GABRA2: variants seen among roughly 807,000 people sequenced by gnomAD.
The protein encoded by GABRA2 is gamma-aminobutyric acid type A receptor subunit alpha2, also known as gamma-aminobutyric acid receptor subunit alpha-2.
A neutral mutation model predicts 48.7 loss-of-function variants in GABRA2; 16 were observed. The ratio of observed to expected loss-of-function variants is 0.33; its 90% CI spans 0.22 to 0.50. GABRA2 has a LOEUF of 0.50. Ranked by LOEUF, GABRA2 falls within the 20% of genes least tolerant of loss-of-function variation. GABRA2 has a pLI of 0.98. For synonymous variants in GABRA2, 185 were observed against 184.5 expected (o/e 1.00, Z -0.02); for missense variants, 275 against 535.6 (o/e 0.51, Z 4.80).
intron 8 of GABRA2, among the ~76,000 whole-genome samples, chr4:46,273,312 G>A (rs1246511056): frequency 1.3e-5 from 2 of 151,116 alleles, no homozygotes; most frequent in African/African-American, 4.9e-5. Context: ...TATTTGGAAA[G>A]TTCTTGGCCA....
At chr4:46,290,064 A>G (rs1577923663) in intron 8 of GABRA2, among the ~76,000 whole-genome samples, 1 of 148,328 alleles carries the variant, frequency 6.7e-6, no homozygotes, top group Admixed American at 6.8e-5. Context: ...GGCGCCCGCC[A>G]CCGTGCCCGG....
chr4:46,263,846 T>C (rs1002903595), intron 8 of GABRA2, among the ~76,000 whole-genome samples: 1 of 151,996 alleles, frequency 6.6e-6, no homozygotes, highest in African/African-American at 2.4e-5. Context: ...TATTTGGTAG[T>C]AATGCCATTT....
chr4:46,361,348 C>A (rs549439637), intron 3 of GABRA2, among the ~76,000 whole-genome samples: 2 of 152,274 alleles, frequency 1.3e-5, no homozygotes, highest in African/African-American at 2.4e-5. Flanking sequence ...TAAAAGAGGA[C>A]AAGTTACAGC....
At chr4:46,283,948 A>G (rs1377010733) in intron 8 of GABRA2, among the ~76,000 whole-genome samples, 1 of 151,842 alleles carries the variant, frequency 6.6e-6, no homozygotes, top group African/African-American at 2.4e-5. Flanking sequence ...TTTAGTAGAG[A>G]AGGGGTTTCA....
chr4:46,296,296 G>T (rs1172506937), intron 8 of GABRA2, among the ~76,000 whole-genome samples: 1 of 152,120 alleles, frequency 6.6e-6, no homozygotes, highest in East Asian at 1.9e-4. Context: ...ATTATGTTCT[G>T]CTGGCCTAGA....
chr4:46,358,762 C>T (rs1201778747), intron 3 of GABRA2, among the ~76,000 whole-genome samples: 1 of 152,122 alleles, frequency 6.6e-6, no homozygotes, highest in South Asian at 2.1e-4. Flanking sequence ...TCTGAGCAAT[C>T]TTCTATCAGA....
chr4:46,250,486 G>A lies in GABRA2; in HGVS notation c.1178C>T (p.Thr393Met), dbSNP rs200801680. 188 of 1,611,920 alleles carry A rather than the reference G, an allele frequency of 1.2e-4. No individual in the cohort carries two copies. The highest frequency in any genetic ancestry group is 2.3e-4 in the South Asian group (21 of 91,046). Residue 393 changes from threonine to methionine, a missense_variant, in exon 10 of 10, where the codon ACG (threonine) becomes ATG (methionine). Thr to Met is a moderately conservative substitution (Grantham distance 81). Transcript: ENST00000381620. ...TTCTGGCTTCTTGTTGGGTTCTGGCGTGGTTGCACTCTTGGAGATGGTGGA... is the reference window on the plus strand; with the variant it reads ...TTCTGGCTTCTTGTTGGGTTCTGGCATGGTTGCACTCTTGGAGATGGTGGA... ...VLSTISKSATTPEPNKKPENK... is the reference protein window; with the variant it reads ...VLSTISKSATMPEPNKKPENK...
intron 3 of GABRA2, among the ~76,000 whole-genome samples, chr4:46,351,868 A>G (rs889731463): frequency 1.3e-5 from 2 of 151,926 alleles, no homozygotes; most frequent in Non-Finnish European, 2.9e-5. Flanking sequence ...GGAATAGTTG[A>G]TCGTTTTTTT....
At chr4:46,298,546 T>C (rs767894472) in intron 8 of GABRA2, among the ~76,000 whole-genome samples, 4 of 152,030 alleles carry the variant, frequency 2.6e-5, no homozygotes, top group African/African-American at 4.8e-5. Context: ...TGTCCATTGC[T>C]ATAGATCACT....
intron 1 of GABRA2, 117 bp downstream of exon 1, chr4:46,389,618 G>A: frequency 1.2e-5 from 7 of 568,612 alleles, no homozygotes; most frequent in Non-Finnish European, 1.6e-5. Flanking sequence ...TGCGGGAATT[G>A]AGCCTCCTCC....
chr4:46,344,169 G>A (rs1733762804), intron 3 of GABRA2, among the ~76,000 whole-genome samples: 1 of 151,956 alleles, frequency 6.6e-6, no homozygotes, highest in Non-Finnish European at 1.5e-5. Context: ...ATGAAAGTAA[G>A]CCAGGAAATT....
chr4:46,324,717 C>T (rs189413862), intron 4 of GABRA2, among the ~76,000 whole-genome samples: 2 of 151,758 alleles, frequency 1.3e-5, no homozygotes, highest in African/African-American at 4.8e-5. Flanking sequence ...TCAACCCTCC[C>T]CCTCCCTCTC....
Position 46,305,575 on chromosome 4 carries a change from G to A in GABRA2, c.696C>T (p.Ser232=), listed in dbSNP as rs1726541476. 6.2e-7 allele frequency: 1 copy of A among 1,613,542 alleles called. No homozygotes were observed. Among genetic ancestry groups the A allele is most frequent in the African/African-American group, 1.3e-5 (1 of 74,882 alleles). ...GQSIGKETIK[S]STGEYTVMTA... is the part of the protein sequence containing the mutation. Reference sequence around the variant, plus strand: ...AAGACTAATTTTACTAACCTGTACTGGATTTAATTGTCTCCTTTCCGATTG... The same window carrying A: ...AAGACTAATTTTACTAACCTGTACTAGATTTAATTGTCTCCTTTCCGATTG... The change falls in exon 7 of 10, where the codon TCC becomes TCT. Residue 232 remains serine, a synonymous_variant. Coordinates refer to ENST00000381620, the MANE Select transcript of GABRA2 (RefSeq NM_000807.4).
At chr4:46,305,487 A>C in intron 7 of GABRA2, 81 bp downstream of exon 7, 1 of 1,296,242 alleles carries the variant, frequency 7.7e-7, no homozygotes, top group Admixed American at 2.2e-5. Context: ...AAAAGATTTT[A>C]AGCAATCTGA....
chr4:46,368,538 C>A, intron 3 of GABRA2: 1 of 158,494 alleles, frequency 6.3e-6, no homozygotes, highest in Admixed American at 6.3e-5. Flanking sequence ...GTTCTGGGAC[C>A]AAACCAAATC....
intron 8 of GABRA2, among the ~76,000 whole-genome samples, chr4:46,293,515 G>A (rs559470442): frequency 3.3e-5 from 5 of 152,148 alleles, no homozygotes; most frequent in Admixed American, 3.3e-4. Context: ...GCTTATGGAG[G>A]TCAGGGAATT....
intron 8 of GABRA2, among the ~76,000 whole-genome samples, chr4:46,266,399 T>C (rs1233857996): frequency 1.3e-5 from 2 of 149,378 alleles, no homozygotes; most frequent in African/African-American, 4.9e-5. Flanking sequence ...TTTATTTTAG[T>C]TTTGATGAGT....
intron 3 of GABRA2, chr4:46,368,770 C>T: frequency 4.7e-6 from 2 of 421,852 alleles, no homozygotes; most frequent in South Asian, 1.6e-4. Context: ...AGATCTTCAA[C>T]AACTTTTGAA....
At chr4:46,301,171 TG>T (rs1725671751) in intron 8 of GABRA2, among the ~76,000 whole-genome samples, 1 of 152,002 alleles carries the variant, frequency 6.6e-6, no homozygotes, top group African/African-American at 2.4e-5. Flanking sequence ...ATAAAGAAGG[TG>T]GGAAAAAATT....
Sources: gnomAD v4.1 joint callset for allele counts (sites outside exome capture counted in the v4.1 genomes callset) on GRCh38, gnomAD v4.1.1 for gene constraint, MANE v1.5 for transcripts, NCBI Gene and HGNC (gene_info 2026-07-23, HGNC 2026-07-21) for gene names.